FTCDNL1: variants seen among roughly 807,000 people sequenced by gnomAD.
FTCDNL1 encodes formiminotransferase N-terminal subdomain-containing protein.
Under a neutral mutation model 5.9 loss-of-function variants are expected in FTCDNL1, and 11 were observed. That is an observed-to-expected ratio of 1.87 (90% CI 1.18 to 3.10). FTCDNL1 has a LOEUF of 3.10. FTCDNL1 is among the 30% of genes most tolerant of loss of function. The pLI, the probability that FTCDNL1 is intolerant of heterozygous loss-of-function variation, is 0.00. For synonymous variants in FTCDNL1, 58 were observed against 24.8 expected, an observed-to-expected ratio of 2.34 and a Z score of -3.99; for missense variants, 115 against 65.5, an observed-to-expected ratio of 1.76 and a Z score of -2.61.
intron 3 of FTCDNL1, among the ~76,000 whole-genome samples, chr2:199,845,585 T>G (rs1251247831): frequency 1.3e-5 from 2 of 151,938 alleles, no homozygotes; most frequent in Non-Finnish European, 2.9e-5. Context: ...AAAAAAAAGA[T>G]AATCTGTCCT....
the FTCDNL1 span, among the ~76,000 whole-genome samples, chr2:199,739,557 C>T: frequency 2.0e-5 from 3 of 152,100 alleles, no homozygotes; most frequent in East Asian, 1.9e-4. Flanking sequence ...CAGAGGCCTC[C>T]ATACAGGAGT....
At chr2:199,734,659 G>C in the FTCDNL1 span, among the ~76,000 whole-genome samples, 2 of 152,134 alleles carry the variant, frequency 1.3e-5, no homozygotes, top group Non-Finnish European at 2.9e-5. Flanking sequence ...CAGTGAACAT[G>C]CTGGTATTTC....
intron 3 of FTCDNL1, among the ~76,000 whole-genome samples, chr2:199,829,802 A>G (rs766040376): frequency 3.9e-5 from 6 of 152,186 alleles, no homozygotes; most frequent in African/African-American, 7.2e-5. Flanking sequence ...TCGTTTTGTT[A>G]TATTTCTGAT....
the FTCDNL1 span, among the ~76,000 whole-genome samples, chr2:199,704,523 T>C: frequency 6.6e-6 from 1 of 151,780 alleles, no homozygotes; most frequent in Non-Finnish European, 1.5e-5. Flanking sequence ...AAAAGTGTGG[T>C]GGTTGATCAG....
the FTCDNL1 span, among the ~76,000 whole-genome samples, chr2:199,707,935 T>G: frequency 6.6e-6 from 1 of 152,092 alleles, no homozygotes; most frequent in Non-Finnish European, 1.5e-5. Context: ...TTCTTTACAT[T>G]TGTACTGTAT....
Position 199,851,028 on chromosome 2 carries a change from C to T in FTCDNL1, c.-296G>A, listed in dbSNP as rs2076864382. On this transcript the variant is annotated 5_prime_UTR_variant, in exon 1 of 5. Transcript: ENST00000420128. ...CGCTGCCCCGGCCGAGCTCTCGAAC[C>T]AGCGGCCGCGCCTGCCGCTCTGCGG... is the stretch of plus-strand genomic sequence containing the variant. 6.6e-6 allele frequency: 1 copy of T among 150,642 alleles called. No homozygotes were observed. Among genetic ancestry groups the T allele is most frequent in the Non-Finnish European group, 1.5e-5 (1 of 67,130 alleles). 9.3% of individuals were successfully genotyped at this position (150,642 alleles called of 1,614,324 possible).
chr2:199,716,306 G>C, the FTCDNL1 span, among the ~76,000 whole-genome samples: 1 of 152,180 alleles, frequency 6.6e-6, no homozygotes, highest in Non-Finnish European at 1.5e-5. Flanking sequence ...GAATGAAGAG[G>C]TCTGTGTTCT....
the FTCDNL1 span, among the ~76,000 whole-genome samples, chr2:199,734,100 T>C: frequency 2.0e-5 from 3 of 152,170 alleles, no homozygotes; most frequent in African/African-American, 7.2e-5. Flanking sequence ...TTTCCTGAAT[T>C]TTACTTGAGG....
the FTCDNL1 span, among the ~76,000 whole-genome samples, chr2:199,668,293 T>A: frequency 6.6e-6 from 1 of 152,164 alleles, no homozygotes; most frequent in Non-Finnish European, 1.5e-5. Flanking sequence ...TTAAAAATAG[T>A]TTTTCATAAA....
chr2:199,697,972 A>C, the FTCDNL1 span, among the ~76,000 whole-genome samples: 3 of 152,220 alleles, frequency 2.0e-5, no homozygotes, highest in African/African-American at 7.2e-5. Flanking sequence ...AAACGAAAGC[A>C]GGGGTTGCTA....
chr2:199,777,000 G>A (rs905180451), intron 3 of FTCDNL1, among the ~76,000 whole-genome samples: 1 of 133,584 alleles, frequency 7.5e-6, no homozygotes, highest in East Asian at 2.6e-4. Context: ...GTGTGTGTGT[G>A]TGTGTATTGA....
At chr2:199,709,762 G>A in the FTCDNL1 span, among the ~76,000 whole-genome samples, 1,344 of 152,188 alleles carry the variant, frequency 8.8e-3, 10 homozygotes, top group Non-Finnish European at 0.013. Flanking sequence ...TTTTGCTGAC[G>A]AGGGAGCAAA....
chr2:199,679,649 G>A, the FTCDNL1 span, among the ~76,000 whole-genome samples: 3 of 151,298 alleles, frequency 2.0e-5, no homozygotes, highest in Non-Finnish European at 4.4e-5. Context: ...TTATTTTTTG[G>A]TGGTTGCTGC....
At chr2:199,749,357 T>C in the FTCDNL1 span, among the ~76,000 whole-genome samples, 4 of 152,184 alleles carry the variant, frequency 2.6e-5, no homozygotes, top group Admixed American at 2.0e-4. Flanking sequence ...ACTGACTAAA[T>C]TGACTGTTTT....
At chr2:199,697,849 A>T in the FTCDNL1 span, among the ~76,000 whole-genome samples, 1 of 152,312 alleles carries the variant, frequency 6.6e-6, no homozygotes, top group South Asian at 2.1e-4. Flanking sequence ...GTTGGATAAG[A>T]AGCAAGACCC....
At chr2:199,822,796 CTTCTT>C (rs1256731092) in intron 3 of FTCDNL1, among the ~76,000 whole-genome samples, 6 of 152,186 alleles carry the variant, frequency 3.9e-5, no homozygotes, top group Non-Finnish European at 5.9e-5. Flanking sequence ...CATTAAGAAA[CTTCTT>C]TTATTGCTTC....
At chr2:199,765,726 A>T (rs1315657475) in intron 3 of FTCDNL1, among the ~76,000 whole-genome samples, 1 of 151,234 alleles carries the variant, frequency 6.6e-6, no homozygotes, top group East Asian at 1.9e-4. Context: ...TATTTTTGGT[A>T]GAGACCGGGT....
intron 3 of FTCDNL1, among the ~76,000 whole-genome samples, chr2:199,845,043 G>A (rs1411846902): frequency 1.3e-5 from 2 of 151,882 alleles, no homozygotes; most frequent in African/African-American, 4.8e-5. Flanking sequence ...GAGCCACTGT[G>A]CCCAAACACG....
chr2:199,812,996 G>A (rs1701129996), intron 4 of FTCDNL1, among the ~76,000 whole-genome samples: 1 of 152,178 alleles, frequency 6.6e-6, no homozygotes, highest in Non-Finnish European at 1.5e-5. Context: ...ACCTTATGGT[G>A]AACTGATATG....
Sources: allele counts gnomAD v4.1 joint callset (sites outside exome capture counted in the v4.1 genomes callset), GRCh38; gene constraint gnomAD v4.1.1; transcripts MANE v1.5; gene names NCBI Gene and HGNC (gene_info 2026-07-23, HGNC 2026-07-21).